The following TEX11 variants were observed in gnomAD, a reference collection of about 807,000 sequenced individuals.
TEX11 encodes testis expressed 11, also known as testis-expressed protein 11.
Under a neutral mutation model 84.4 loss-of-function variants are expected in TEX11, and 7 were observed. The ratio of observed to expected loss-of-function variants is 0.08; its 90% CI spans 0.05 to 0.16. The LOEUF is 0.16. Among genes scored for constraint, TEX11 ranks in the 10% least tolerant of loss-of-function variants. The probability of loss-of-function intolerance (pLI) is 1.00; values close to 1 mark genes in which losing one functional copy is unlikely to be tolerated. For missense variants in TEX11, 551 were observed against 660.5 expected, an observed-to-expected ratio of 0.83 and a Z score of 1.82; for synonymous variants, 264 against 222.8, an observed-to-expected ratio of 1.18 and a Z score of -1.64.
intron 25 of TEX11, among the ~76,000 whole-genome samples, chrX:70,561,044 C>T (rs1294352864): frequency 9.3e-6 from 1 of 108,069 alleles, no homozygotes; most frequent in East Asian, 2.9e-4. Flanking sequence ...AGCCACCACA[C>T]ACAGCCCCAG....
In TEX11 at chrX:70,773,290, T is replaced by C. The variant is rs143179701; in HGVS notation, c.693-29071A>G. On this transcript the variant is annotated intron_variant, in intron 9 of 29. Transcript: ENST00000374333. ...AAAGTAATAAGAGAAAAGTGACTTA[T>C]ATAAAAGGCAATCTCCATAAGACTA... 6.9e-3 allele frequency among the ~76,000 whole-genome samples: 766 copies of C among 110,621 alleles called. 7 individuals carry two copies. Among genetic ancestry groups the C allele is most frequent in the African/African-American group, 0.024 (734 of 30,513 alleles).
At chrX:70,905,311 T>C (rs1236784325) in intron 2 of TEX11, among the ~76,000 whole-genome samples, 1 of 110,260 alleles carries the variant, frequency 9.1e-6, no homozygotes, top group Non-Finnish European at 1.9e-5. Flanking sequence ...GACGACAGAG[T>C]GAGACTCTGT....
chrX:70,548,136 G>A (rs1288606996), intron 28 of TEX11, among the ~76,000 whole-genome samples: 1 of 110,458 alleles, frequency 9.1e-6, no homozygotes, highest in Non-Finnish European at 1.9e-5. Context: ...GATGAAGCTG[G>A]AAACCATCAT....
chrX:70,818,514 C>A (rs1377313243), intron 8 of TEX11, among the ~76,000 whole-genome samples: 2 of 110,699 alleles, frequency 1.8e-5, no homozygotes. Context: ...ATTCCAGAAG[C>A]CTTCCACTGA....
chrX:70,808,226 G>A, intron 8 of TEX11, among the ~76,000 whole-genome samples: 1 of 107,579 alleles, frequency 9.3e-6, no homozygotes. Context: ...TTTTAAGCTG[G>A]GCACCGTGGC....
chrX:70,522,985 A>T, the TEX11 span, among the ~76,000 whole-genome samples: 1 of 110,569 alleles, frequency 9.0e-6, no homozygotes, highest in Admixed American at 9.7e-5. Flanking sequence ...TAGGAGTTAA[A>T]AAAACAGAGG....
In TEX11 at chrX:70,552,150, A is replaced by C. The variant is rs16991177; in HGVS notation, c.2496T>G (p.Asp832Glu). 765 of 1,209,155 alleles carry C rather than the reference A, an allele frequency of 6.3e-4. 8 individuals are homozygous for C. The East Asian group carries it at 0.021, about 33-fold the overall frequency. The stretch of plus-strand genomic sequence containing the variant: ...CAGTGCGGCTAATGTGGCTCAGAGC[A>C]TCTTCAAAATAGCCCCAAACTTCTT... ...PLEEVWGYFE[D>E]ALSHISRTKD... is the part of the protein sequence containing the mutation. The change falls in exon 28 of 30, where the codon GAT (aspartate) becomes GAG (glutamate). Residue 832 changes from aspartate to glutamate, a missense_variant. Transcript: ENST00000374333.
At chrX:70,779,471 A>T (rs745699198) in intron 9 of TEX11, among the ~76,000 whole-genome samples, 103 of 109,891 alleles carry the variant, frequency 9.4e-4, no homozygotes, top group Admixed American at 2.0e-3. Flanking sequence ...CAAAAAAGAA[A>T]TATCTCAAAT....
chrX:70,837,247 G>A (rs1402874182), intron 7 of TEX11, among the ~76,000 whole-genome samples: 2 of 111,440 alleles, frequency 1.8e-5, no homozygotes, highest in Admixed American at 1.9e-4. Context: ...CCATAGCATA[G>A]AATTCTACAT....
At chrX:70,517,263 A>G in the TEX11 span, among the ~76,000 whole-genome samples, 30 of 112,078 alleles carry the variant, frequency 2.7e-4, no homozygotes, top group African/African-American at 8.7e-4. Context: ...TGGGTTTGTC[A>G]TAAATAGCTC....
intron 9 of TEX11, among the ~76,000 whole-genome samples, chrX:70,795,390 C>T (rs144669628): frequency 9.0e-6 from 1 of 111,391 alleles, no homozygotes; most frequent in Admixed American, 9.5e-5. Context: ...TTGCACCCAC[C>T]AGGAGCCAGG....
chrX:70,877,911 G>A (rs376772101), intron 3 of TEX11, among the ~76,000 whole-genome samples: 22 of 111,271 alleles, frequency 2.0e-4, no homozygotes, highest in African/African-American at 6.9e-4. Context: ...AGGGGGAGTT[G>A]TTTAATGGAT....
chrX:70,662,153 T>G (rs2089935292), intron 16 of TEX11, among the ~76,000 whole-genome samples: 1 of 110,921 alleles, frequency 9.0e-6, no homozygotes, highest in Non-Finnish European at 1.9e-5. Flanking sequence ...GAATAACCAA[T>G]GCAGAGAAGT....
intron 28 of TEX11, among the ~76,000 whole-genome samples, chrX:70,538,917 T>C (rs1252670675): frequency 9.6e-6 from 1 of 104,017 alleles, no homozygotes; most frequent in Non-Finnish European, 1.9e-5. Flanking sequence ...TTGGCAGAAG[T>C]AGGAACTGAG....
the TEX11 span, among the ~76,000 whole-genome samples, chrX:70,519,761 G>A: frequency 1.8e-5 from 2 of 111,775 alleles, no homozygotes; most frequent in South Asian, 3.8e-4. Flanking sequence ...CCAATCAAAC[G>A]TAGATTTGGT....
In TEX11 at chrX:70,591,957, C is replaced by T. The variant is rs989094151; in HGVS notation, c.2068-134G>A. The T allele has an allele frequency of 1.9e-5, 8 of 430,789 alleles. No homozygotes were observed. The East Asian group carries it at 2.7e-4, about 15-fold the overall frequency. 35.5% of individuals were successfully genotyped at this position (430,789 alleles called of 1,213,427 possible). ...TAGAAAAATGATAGTTTAAACTGAA[C>T]ATTTTGGAGTTTATATAGAAATATT... is the stretch of plus-strand genomic sequence containing the variant. On this transcript the variant is annotated intron_variant, in intron 24 of 29. Coordinates refer to ENST00000374333, the MANE Select transcript of TEX11 (RefSeq NM_031276.3).
intron 28 of TEX11, among the ~76,000 whole-genome samples, chrX:70,542,919 C>T (rs774920605): frequency 2.7e-5 from 3 of 112,293 alleles, no homozygotes; most frequent in Admixed American, 9.4e-5. Flanking sequence ...CGGTGGCTCA[C>T]GCCTGTAATC....
chrX:70,794,835 A>C (rs941077805), intron 9 of TEX11, among the ~76,000 whole-genome samples: 14 of 109,538 alleles, frequency 1.3e-4, no homozygotes, highest in African/African-American at 4.6e-4. Flanking sequence ...CAAGTAGTGC[A>C]TACCATAGAT....
chrX:70,809,637 C>T (rs1478865598), intron 8 of TEX11, among the ~76,000 whole-genome samples: 5 of 111,753 alleles, frequency 4.5e-5, no homozygotes, highest in Non-Finnish European at 9.4e-5. Flanking sequence ...GTAGCTGTTA[C>T]GTGAGATAAA....
Sources: gnomAD v4.1 joint callset for allele counts (sites outside exome capture counted in the v4.1 genomes callset) on GRCh38, gnomAD v4.1.1 for gene constraint, MANE v1.5 for transcripts, NCBI Gene and HGNC (gene_info 2026-07-23, HGNC 2026-07-21) for gene names.